CEP68: variants seen among roughly 807,000 people sequenced by gnomAD.
CEP68 encodes the protein centrosomal protein of 68 kDa.
A neutral mutation model predicts 55.3 loss-of-function variants in CEP68; 26 were observed. The ratio of observed to expected loss-of-function variants is 0.47; its 90% CI spans 0.34 to 0.65. The LOEUF (loss-of-function observed/expected upper bound fraction) is 0.65. CEP68 is among the 30% of genes least tolerant of loss of function. The pLI, the probability that CEP68 is intolerant of heterozygous loss-of-function variation, is 0.01. For synonymous variants in CEP68, 402 were observed against 383.2 expected, an observed-to-expected ratio of 1.05 and a Z score of -0.57; for missense variants, 957 against 946.7, an observed-to-expected ratio of 1.01 and a Z score of -0.14.
intron 4 of CEP68, chr2:65,074,708 G>C (rs1477902468): frequency 1.6e-5 from 6 of 370,616 alleles, no homozygotes; most frequent in Non-Finnish European, 1.0e-5. Context: ...TGGAAGCTGA[G>C]ACAGGAAGAT....
intron 1 of CEP68, among the ~76,000 whole-genome samples, chr2:65,057,034 C>A (rs2103733627): frequency 9.3e-6 from 1 of 107,708 alleles, no homozygotes; most frequent in Non-Finnish European, 1.9e-5. Flanking sequence ...CGCCCAGATG[C>A]GGAGAGAAAA....
In CEP68 at chr2:65,072,689, T is replaced by G; in HGVS notation, c.1593T>G (p.Pro531=). 2 of 1,614,126 alleles carry G rather than the reference T, an allele frequency of 1.2e-6. No homozygotes were observed. The highest frequency in any genetic ancestry group is 1.7e-6 in the Non-Finnish European group (2 of 1,180,010). The change falls in exon 3 of 7, where the codon CCT becomes CCG. Residue 531 remains proline, a synonymous_variant. Coordinates refer to ENST00000377990, the MANE Select transcript of CEP68 (RefSeq NM_015147.3). ...VSDSDGPASF[P]SSSSQSQLPP... is the part of the protein sequence containing the mutation. The stretch of plus-strand genomic sequence containing the variant: ...ACAGTGATGGGCCAGCTTCCTTCCC[T>G]TCAAGCTCCAGCCAAAGCCAGCTTC...
chr2:65,074,207 A>G, intron 3 of CEP68, 75 bp from the exon 4 acceptor site: 1 of 1,564,984 alleles, frequency 6.4e-7, no homozygotes, highest in South Asian at 1.2e-5. Flanking sequence ...AGTCCTCCTG[A>G]TATTTTTAGC....
At chr2:65,058,497 CTTTTTTTTTTTTTT>C (rs34477880) in intron 1 of CEP68, among the ~76,000 whole-genome samples, 4 of 75,684 alleles carry the variant, frequency 5.3e-5, no homozygotes, top group Middle Eastern at 0.016. Context: ...GATTTTTTTC[CTTTTTTTTTTTTTT>C]TTTTTTTTTT....
At chr2:65,071,166 C>T in intron 2 of CEP68, 1 of 449,756 alleles carries the variant, frequency 2.2e-6, no homozygotes, top group South Asian at 2.6e-5. Flanking sequence ...TTCAGCATGA[C>T]AGAGCTGTCT....
At chr2:65,063,032 C>A (rs34876673) in intron 1 of CEP68, among the ~76,000 whole-genome samples, 2,535 of 152,224 alleles carry the variant, frequency 0.017, 27 homozygotes, top group Middle Eastern at 0.027. Flanking sequence ...CAGGAGTGTC[C>A]TAGGGTGATG....
At position 65,072,595 on chromosome 2, in the gene CEP68, G is replaced by A; in HGVS notation, c.1499G>A (p.Gly500Glu). 3.7e-6 allele frequency: 6 copies of A among 1,614,082 alleles called. No individual in the cohort carries two copies. The highest frequency in any genetic ancestry group is 5.1e-6 in the Non-Finnish European group (6 of 1,180,008). ...GTTTCTAGCCTGGTTTCGTATCTAG[G>A]ATCCATTTCTACCTTGGTTACCCTG... ...TQVSSLVSYLGSISTLVTLPT... is the reference protein window; with the variant it reads ...TQVSSLVSYLESISTLVTLPT... Residue 500 changes from glycine (G) to glutamate (E), a missense_variant, in exon 3 of 7, where the codon GGA becomes GAA. Physicochemically the swap from Gly to Glu is moderately conservative, Grantham distance 98. Coordinates refer to ENST00000377990, the MANE Select transcript of CEP68 (RefSeq NM_015147.3).
intron 5 of CEP68, chr2:65,080,424 C>G: frequency 1.0e-6 from 1 of 985,412 alleles, no homozygotes. Flanking sequence ...CAGGAGCATG[C>G]TGTCAAAAGT....
chr2:65,066,761 TATATATAC>T (rs1243562471), intron 1 of CEP68, among the ~76,000 whole-genome samples: 5 of 96,206 alleles, frequency 5.2e-5, no homozygotes, highest in African/African-American at 2.0e-4. Flanking sequence ...TATATATATA[TATATATAC>T]ACACACAAAA....
chr2:65,073,453 TG>T (rs1485710865), intron 3 of CEP68: 2 of 247,164 alleles, frequency 8.1e-6, no homozygotes, highest in Non-Finnish European at 1.6e-5. Flanking sequence ...TTGGATGTAC[TG>T]TTGCCTAGAC....
At position 65,085,104 on chromosome 2, in the gene CEP68, C is replaced by A. The variant is rs184684761; in HGVS notation, c.*1470C>A. ...TGTACATTTATAAGTAGGAACATGT[C>A]CTTCCACTGAGTATGTTACTGAATA... On this transcript the variant is annotated 3_prime_UTR_variant, in exon 7 of 7. Coordinates refer to ENST00000377990, the MANE Select transcript of CEP68 (RefSeq NM_015147.3). 14 of 152,236 alleles carry A rather than the reference C, an allele frequency of 9.2e-5. No homozygotes were observed. The East Asian group carries it at 2.7e-3, about 29-fold the overall frequency. The allele number at this position is 152,236 out of a possible 1,614,324, so 9.4% of individuals were successfully genotyped here. A position where few individuals can be genotyped will look rare whatever the true frequency, so the allele number is the denominator to read the frequency against.
At chr2:65,080,094 T>C (rs769790193) in intron 5 of CEP68, among the ~76,000 whole-genome samples, 20 of 151,718 alleles carry the variant, frequency 1.3e-4, no homozygotes, top group Non-Finnish European at 2.5e-4. Flanking sequence ...GATTGCGCCA[T>C]TGCACTCCAG....
intron 2 of CEP68, among the ~76,000 whole-genome samples, 196 bp downstream of exon 2, chr2:65,069,997 G>A (rs754224846): frequency 6.6e-6 from 1 of 152,172 alleles, no homozygotes; most frequent in African/African-American, 2.4e-5. Context: ...GACTGTCCAC[G>A]GTTATCTCCT....
At chr2:65,058,872 G>A (rs12998056) in intron 1 of CEP68, among the ~76,000 whole-genome samples, 10,993 of 152,050 alleles carry the variant, frequency 0.072, 889 homozygotes, top group African/African-American at 0.2. Context: ...AAAGTATTCC[G>A]TAGAAGATTA....
At chr2:65,069,006 C>T (rs1043550529) in intron 1 of CEP68, among the ~76,000 whole-genome samples, 4 of 152,110 alleles carry the variant, frequency 2.6e-5, no homozygotes, top group Admixed American at 6.5e-5. Flanking sequence ...GGGACCGTTA[C>T]GACAACAGAA....
At chr2:65,062,183 CAG>C (rs1446110533) in intron 1 of CEP68, among the ~76,000 whole-genome samples, 2 of 152,216 alleles carry the variant, frequency 1.3e-5, no homozygotes, top group Non-Finnish European at 2.9e-5. Flanking sequence ...CTTGCCAGAA[CAG>C]AGCTCCCTGG....
At chr2:65,068,305 G>T (rs1444997509) in intron 1 of CEP68, among the ~76,000 whole-genome samples, 1 of 152,134 alleles carries the variant, frequency 6.6e-6, no homozygotes, top group Non-Finnish European at 1.5e-5. Flanking sequence ...TGTTGTTCCT[G>T]AACCTCTTTG....
At chr2:65,065,291 CATCAT>C (rs1398272007) in intron 1 of CEP68, among the ~76,000 whole-genome samples, 1 of 152,248 alleles carries the variant, frequency 6.6e-6, no homozygotes, top group Non-Finnish European at 1.5e-5. Flanking sequence ...CATAGTGACT[CATCAT>C]AGCATTGTTT....
intron 5 of CEP68, among the ~76,000 whole-genome samples, chr2:65,079,828 G>A (rs1297616114): frequency 2.0e-5 from 3 of 152,154 alleles, no homozygotes; most frequent in Non-Finnish European, 4.4e-5. Flanking sequence ...CTTCACAGAG[G>A]CCATGTGTAA....
Sources: gnomAD v4.1 joint callset for allele counts (sites outside exome capture counted in the v4.1 genomes callset) on GRCh38, gnomAD v4.1.1 for gene constraint, MANE v1.5 for transcripts, NCBI Gene and HGNC (gene_info 2026-07-23, HGNC 2026-07-21) for gene names.